The following FHL5 variants were observed in gnomAD, a reference collection of about 807,000 sequenced individuals.
FHL5 encodes four and a half LIM domains protein 5.
A neutral mutation model predicts 32.0 loss-of-function variants in FHL5; 33 were observed. The observed-to-expected ratio is 1.03, with a 90% CI of 0.78 to 1.38. FHL5 has a LOEUF of 1.38. FHL5 is among the 40% of genes most tolerant of loss of function. FHL5 has a pLI of 0.00. For missense variants in FHL5, 336 were observed against 343.9 expected (o/e 0.98, Z 0.18); for synonymous variants, 114 against 113.6 (o/e 1.00, Z -0.02).
In FHL5 at chr6:96,605,882, G is replaced by A. The variant is rs747129744; in HGVS notation, c.335-20G>A. On this transcript the variant is annotated intron_variant, in intron 3 of 5. Coordinates refer to ENST00000450218, the MANE Select transcript of FHL5 (RefSeq NM_001322466.2). The stretch of plus-strand genomic sequence containing the variant: ...ATTATGCTTGACTTATACTAACATG[G>A]CCTTACTTTTGGAGTACAGGTTCCC... 1.2e-6 allele frequency: 2 copies of A among 1,609,180 alleles called. No homozygotes were observed. Among genetic ancestry groups the A allele is most frequent in the Admixed American group, 1.7e-5 (1 of 59,626 alleles).
chr6:96,601,102 G>T (rs765289724), intron 1 of FHL5, among the ~76,000 whole-genome samples: 1 of 152,186 alleles, frequency 6.6e-6, no homozygotes, highest in South Asian at 2.1e-4. Flanking sequence ...TCGGGAGGCC[G>T]AGGTGAGCGG....
At chr6:96,606,804 A>C (rs1463959314) in intron 4 of FHL5, among the ~76,000 whole-genome samples, 4 of 152,200 alleles carry the variant, frequency 2.6e-5, no homozygotes, top group African/African-American at 7.2e-5. Flanking sequence ...GACTAAGGGA[A>C]CCAAGTTAAA....
intron 1 of FHL5, among the ~76,000 whole-genome samples, chr6:96,578,553 G>A (rs10872018): frequency 0.16 from 23,779 of 152,104 alleles, 2,046 homozygotes; most frequent in Middle Eastern, 0.26. Context: ...TGTTAAAATT[G>A]ATTTGGCACC....
At chr6:96,593,324 T>G (rs1300181771) in intron 1 of FHL5, among the ~76,000 whole-genome samples, 1 of 152,144 alleles carries the variant, frequency 6.6e-6, no homozygotes, top group African/African-American at 2.4e-5. Context: ...ATTCTTTATA[T>G]TCCCTTGTCT....
At chr6:96,566,211 T>C (rs1424401889) in intron 1 of FHL5, among the ~76,000 whole-genome samples, 1 of 152,008 alleles carries the variant, frequency 6.6e-6, no homozygotes, top group Non-Finnish European at 1.5e-5. Context: ...TCTATGAGAT[T>C]GACTTTTTTA....
chr6:96,589,399 AC>A (rs1770868905), intron 1 of FHL5, among the ~76,000 whole-genome samples: 1 of 152,072 alleles, frequency 6.6e-6, no homozygotes, highest in Non-Finnish European at 1.5e-5. Context: ...TTTTATATTG[AC>A]CTTGTATCAA....
At chr6:96,577,922 G>T (rs1582460671) in intron 1 of FHL5, among the ~76,000 whole-genome samples, 2 of 144,484 alleles carry the variant, frequency 1.4e-5, no homozygotes, top group Non-Finnish European at 3.0e-5. Flanking sequence ...TTTTTTACTA[G>T]TTTGTCAGCT....
intron 5 of FHL5, among the ~76,000 whole-genome samples, chr6:96,614,376 G>A (rs1298501261): frequency 6.6e-6 from 1 of 152,096 alleles, no homozygotes; most frequent in Admixed American, 6.5e-5. Flanking sequence ...AAGTAATGTT[G>A]ATAGCATCAT....
At chr6:96,607,353 C>A (rs1771305234) in intron 4 of FHL5, among the ~76,000 whole-genome samples, 2 of 149,872 alleles carry the variant, frequency 1.3e-5, no homozygotes, top group African/African-American at 5.1e-5. Flanking sequence ...ATCTGGACAG[C>A]TGGAAGTCAC....
intron 1 of FHL5, among the ~76,000 whole-genome samples, chr6:96,567,439 C>T (rs1190436212): frequency 1.3e-5 from 2 of 151,794 alleles, no homozygotes; most frequent in African/African-American, 2.4e-5. Flanking sequence ...CGGCTTTGTT[C>T]ATTTTGCTCA....
chr6:96,607,487 C>A (rs1438682535), intron 4 of FHL5, among the ~76,000 whole-genome samples: 2 of 152,052 alleles, frequency 1.3e-5, no homozygotes, highest in Non-Finnish European at 2.9e-5. Flanking sequence ...GGCAGCAATA[C>A]ACTATGCTAA....
chr6:96,603,813 A>G, intron 2 of FHL5, 41 bp downstream of exon 2: 1 of 1,539,552 alleles, frequency 6.5e-7, no homozygotes, highest in East Asian at 2.3e-5. Context: ...GCCTATGAAC[A>G]GCAAACAAGT....
intron 1 of FHL5, among the ~76,000 whole-genome samples, chr6:96,565,996 G>A (rs1483403600): frequency 1.3e-5 from 2 of 151,704 alleles, no homozygotes; most frequent in Admixed American, 1.3e-4. Flanking sequence ...TCATTTCTTT[G>A]TGTTGGGAAC....
chr6:96,610,557 T>C lies in FHL5; in HGVS notation c.505-15T>C, dbSNP rs199773399. 4.3e-5 allele frequency: 69 copies of C among 1,606,506 alleles called. No homozygotes were observed. The highest frequency in any genetic ancestry group is 5.5e-5 in the Non-Finnish European group (65 of 1,173,898). ...TGGCTCCCATGGTCATTGCCTTTTC[T>C]GTGGTCTTTGGCAGGTGATAACTTC... is the stretch of plus-strand genomic sequence containing the variant. On this transcript the variant is annotated splice_polypyrimidine_tract_variant and intron_variant, in intron 4 of 5. Coordinates refer to ENST00000450218, the MANE Select transcript of FHL5 (RefSeq NM_001322466.2).
intron 1 of FHL5, among the ~76,000 whole-genome samples, chr6:96,589,225 G>A (rs899050476): frequency 1.3e-5 from 2 of 152,068 alleles, no homozygotes; most frequent in South Asian, 2.1e-4. Flanking sequence ...ATACTACACT[G>A]CCTTAATGAT....
At chr6:96,606,390 C>T (rs1312189716) in intron 4 of FHL5, among the ~76,000 whole-genome samples, 5 of 152,090 alleles carry the variant, frequency 3.3e-5, no homozygotes, top group African/African-American at 1.2e-4. Context: ...CTCGCTCTGT[C>T]ACCCAGGCTG....
At chr6:96,562,784 C>G (rs775909394), upstream of FHL5, 1 of 152,058 alleles carries the variant, frequency 6.6e-6, no homozygotes, top group Non-Finnish European at 1.5e-5. Context: ...GAGACAATGT[C>G]CAAAAGAAAA....
At chr6:96,605,296 T>G (rs1330792605) in intron 3 of FHL5, among the ~76,000 whole-genome samples, 2 of 152,228 alleles carry the variant, frequency 1.3e-5, no homozygotes, top group Admixed American at 6.5e-5. Context: ...ACTGCCATTT[T>G]GTAGCTTGAC....
intron 1 of FHL5, among the ~76,000 whole-genome samples, chr6:96,578,756 CGCTTGAACCTGGGA>C (rs1407916460): frequency 6.6e-6 from 1 of 152,052 alleles, no homozygotes; most frequent in Non-Finnish European, 1.5e-5. Context: ...ACACAAGAAT[CGCTTGAACCTGGGA>C]GGCGGAAGCT....
Sources: allele counts gnomAD v4.1 joint callset (sites outside exome capture counted in the v4.1 genomes callset), GRCh38; gene constraint gnomAD v4.1.1; transcripts MANE v1.5; gene names NCBI Gene and HGNC (gene_info 2026-07-23, HGNC 2026-07-21).